The following UHRF1 variants were observed in gnomAD, a reference collection of about 807,000 sequenced individuals.
UHRF1 encodes ubiquitin like with PHD and ring finger domains 1, also known as E3 ubiquitin-protein ligase UHRF1.
In UHRF1, 9 loss-of-function variants were observed where a neutral mutation model predicts 96.5. The ratio of observed to expected loss-of-function variants is 0.09; its 90% CI spans 0.06 to 0.16. The LOEUF (loss-of-function observed/expected upper bound fraction) is 0.16. Among genes scored for constraint, UHRF1 ranks in the 10% least tolerant of loss-of-function variants. UHRF1 has a pLI of 1.00. For synonymous variants in UHRF1, 455 were observed against 469.9 expected (o/e 0.97, Z 0.41); for missense variants, 626 against 1,131.1 (o/e 0.55, Z 6.40).
At chr19:4,934,289 C>G (rs1019963167) in intron 5 of UHRF1, among the ~76,000 whole-genome samples, 2 of 152,198 alleles carry the variant, frequency 1.3e-5, no homozygotes, top group Non-Finnish European at 2.9e-5. Flanking sequence ...CCGCCTCAGC[C>G]TCCCACAGTG....
chr19:4,932,623 C>G (rs1288166322), intron 4 of UHRF1, 118 bp from the exon 5 acceptor site: 4 of 1,059,608 alleles, frequency 3.8e-6, no homozygotes, highest in Non-Finnish European at 5.6e-6. Context: ...GCATATAAGC[C>G]TGTTGGGAGG....
chr19:4,939,398 A>T (rs1410519557), intron 5 of UHRF1, among the ~76,000 whole-genome samples: 3 of 150,358 alleles, frequency 2.0e-5, no homozygotes, highest in African/African-American at 7.4e-5. Flanking sequence ...TTTGAGACGG[A>T]GTCTTGCTGT....
chr19:4,926,752 G>A (rs2032883533), intron 2 of UHRF1, among the ~76,000 whole-genome samples: 1 of 150,470 alleles, frequency 6.6e-6, no homozygotes, highest in Admixed American at 6.6e-5. Flanking sequence ...GCAACAGAGT[G>A]AGATCCTTTC....
chr19:4,950,489 C>T, intron 11 of UHRF1, 122 bp from the exon 12 acceptor site: 1 of 1,062,378 alleles, frequency 9.4e-7, no homozygotes, highest in Non-Finnish European at 1.3e-6. Flanking sequence ...GGCGATCTGC[C>T]TACTTCAGCC....
intron 11 of UHRF1, among the ~76,000 whole-genome samples, chr19:4,947,631 G>A (rs907591913): frequency 1.3e-5 from 2 of 150,560 alleles, no homozygotes; most frequent in East Asian, 4.0e-4. Flanking sequence ...CTCCTGAGTA[G>A]CTGGGATTAC....
At chr19:4,940,337 T>C (rs1035282531) in intron 5 of UHRF1, among the ~76,000 whole-genome samples, 1 of 150,140 alleles carries the variant, frequency 6.7e-6, no homozygotes, top group Non-Finnish European at 1.5e-5. Context: ...TGTAGGCCAT[T>C]GGATCAAGCG....
intron 9 of UHRF1, 145 bp downstream of exon 9, chr19:4,944,595 C>T: frequency 1.2e-6 from 1 of 855,726 alleles, no homozygotes; most frequent in Non-Finnish European, 1.8e-6. Flanking sequence ...GGAAAGCCTG[C>T]AGGTTTGGGT....
intron 9 of UHRF1, among the ~76,000 whole-genome samples, chr19:4,945,110 T>C (rs1200937915): frequency 6.6e-6 from 1 of 152,170 alleles, no homozygotes; most frequent in African/African-American, 2.4e-5. Flanking sequence ...GGGGCAGCGC[T>C]GTATCCCTAG....
At chr19:4,926,997 C>T (rs945974248) in intron 2 of UHRF1, among the ~76,000 whole-genome samples, 2 of 151,898 alleles carry the variant, frequency 1.3e-5, no homozygotes, top group African/African-American at 4.8e-5. Flanking sequence ...GGAGGCGGAG[C>T]TTGCAGTGAG....
At chr19:4,924,644 T>C (rs1005486881) in intron 2 of UHRF1, among the ~76,000 whole-genome samples, 3 of 151,976 alleles carry the variant, frequency 2.0e-5, no homozygotes, top group Admixed American at 2.0e-4. Flanking sequence ...CACAGCAAAA[T>C]TGAGCAGAAG....
At chr19:4,951,863 CA>C (rs1167937143) in intron 13 of UHRF1, among the ~76,000 whole-genome samples, 14 of 152,110 alleles carry the variant, frequency 9.2e-5, no homozygotes, top group Non-Finnish European at 1.5e-5. Context: ...ATTTCAGCAC[CA>C]GTTAGGATGT....
At chr19:4,933,944 C>G (rs1471083051) in intron 5 of UHRF1, among the ~76,000 whole-genome samples, 1 of 136,626 alleles carries the variant, frequency 7.3e-6, no homozygotes, top group African/African-American at 2.9e-5. Context: ...CCTGTTCTTT[C>G]TCCCTTGCCT....
In UHRF1 at chr19:4,955,101, C is replaced by T. The variant is rs910003141; in HGVS notation, c.2130+279C>T. Among the ~76,000 whole-genome samples, 3 of 152,210 alleles carry T rather than the reference C, an allele frequency of 2.0e-5. No homozygotes were observed. In the East Asian group the frequency reaches 5.8e-4, roughly 30 times the overall value. The stretch of plus-strand genomic sequence containing the variant: ...CTCCCCAGCCCCTGCACCCGCTCCC[C>T]AGCTCCGGCACCCCCTGCCATCCTA... On this transcript the variant is annotated intron_variant, in intron 15 of 16. Coordinates refer to ENST00000650932, the MANE Select transcript of UHRF1 (RefSeq NM_001048201.3).
chr19:4,949,924 C>T (rs536321495), intron 11 of UHRF1, among the ~76,000 whole-genome samples: 15 of 152,050 alleles, frequency 9.9e-5, no homozygotes, highest in African/African-American at 3.4e-4. Flanking sequence ...GGGTGGAGTG[C>T]AGCAGTGTGA....
In UHRF1 at chr19:4,935,788, T is replaced by C. The variant is rs191145820; in HGVS notation, c.785+2832T>C. Among the ~76,000 whole-genome samples the C allele has an allele frequency of 2.0e-4, 30 of 152,274 alleles. No individual in the cohort carries two copies. In the East Asian group the frequency reaches 2.9e-3, roughly 15 times the overall value. Reference sequence around the variant, plus strand: ...TAAGTGACAGCCCTGTCCATACTTTTATGGGGAGAAACGCCTACAAATGCG... The same window carrying C: ...TAAGTGACAGCCCTGTCCATACTTTCATGGGGAGAAACGCCTACAAATGCG... On this transcript the variant is annotated intron_variant, in intron 5 of 16. Transcript: ENST00000650932.
chr19:4,938,293 A>G (rs1314142733), intron 5 of UHRF1, among the ~76,000 whole-genome samples: 1 of 152,070 alleles, frequency 6.6e-6, no homozygotes, highest in Non-Finnish European at 1.5e-5. Context: ...TTGAGCTGAC[A>G]TACTTTCTGG....
At chr19:4,932,980 G>T (rs1410628796) in intron 5 of UHRF1, 24 bp downstream of exon 5, 8 of 1,571,590 alleles carry the variant, frequency 5.1e-6, no homozygotes, top group African/African-American at 1.4e-5. Flanking sequence ...CCTGGGGCGA[G>T]CCCTTCCTCT....
chr19:4,923,468 G>A (rs1226072172), intron 2 of UHRF1, among the ~76,000 whole-genome samples: 2 of 152,170 alleles, frequency 1.3e-5, no homozygotes, highest in African/African-American at 2.4e-5. Flanking sequence ...TCCCTCGTGC[G>A]CTGAGGCCCC....
At chr19:4,944,598 G>A (rs78563352) in intron 9 of UHRF1, 148 bp downstream of exon 9, 4 of 842,128 alleles carry the variant, frequency 4.7e-6, no homozygotes, top group Non-Finnish European at 7.5e-6. Context: ...AAGCCTGCAG[G>A]TTTGGGTTTA....
Sources: allele counts gnomAD v4.1 joint callset (sites outside exome capture counted in the v4.1 genomes callset), GRCh38; gene constraint gnomAD v4.1.1; transcripts MANE v1.5; gene names NCBI Gene and HGNC (gene_info 2026-07-23, HGNC 2026-07-21).